The following NKAIN2 variants were observed in gnomAD, a reference collection of about 807,000 sequenced individuals.
The protein encoded by NKAIN2 is sodium/potassium-transporting ATPase subunit beta-1-interacting protein 2.
In NKAIN2, 14 loss-of-function variants were observed where a neutral mutation model predicts 32.6. The ratio of observed to expected loss-of-function variants is 0.43; its 90% CI spans 0.28 to 0.67. The LOEUF (loss-of-function observed/expected upper bound fraction) is 0.67, where lower values mean the gene tolerates loss of function less well. Ranked by LOEUF, NKAIN2 falls within the 30% of genes least tolerant of loss-of-function variation. The pLI is 0.17. For synonymous variants in NKAIN2, 80 were observed against 87.2 expected (o/e 0.92, Z 0.46); for missense variants, 198 against 258.3 (o/e 0.77, Z 1.60).
At chr6:124,508,240 G>A (rs1365555202) in intron 3 of NKAIN2, among the ~76,000 whole-genome samples, 2 of 151,942 alleles carry the variant, frequency 1.3e-5, no homozygotes, top group Non-Finnish European at 2.9e-5. Flanking sequence ...CTGAGTGACA[G>A]AGTAAGATCC....
chr6:123,849,722 G>A (rs1355348063), intron 1 of NKAIN2, among the ~76,000 whole-genome samples: 1 of 152,096 alleles, frequency 6.6e-6, no homozygotes, highest in Non-Finnish European at 1.5e-5. Context: ...GGTAATATGG[G>A]CAGGGTGGCC....
intron 1 of NKAIN2, among the ~76,000 whole-genome samples, chr6:123,848,706 T>A (rs1775193035): frequency 6.6e-6 from 1 of 152,198 alleles, no homozygotes; most frequent in Non-Finnish European, 1.5e-5. Flanking sequence ...GTTTAAGGAC[T>A]GGGGATGATT....
chr6:124,430,071 A>G (rs371147318), intron 3 of NKAIN2, among the ~76,000 whole-genome samples: 40 of 152,224 alleles, frequency 2.6e-4, no homozygotes, highest in African/African-American at 9.6e-4. Context: ...AAATTCTGCA[A>G]CAACCCAAGA....
chr6:124,358,420 C>T (rs932053052), intron 3 of NKAIN2, among the ~76,000 whole-genome samples: 12 of 152,060 alleles, frequency 7.9e-5, no homozygotes, highest in African/African-American at 2.7e-4. Context: ...TATATCTCCA[C>T]ATCCTCTCCA....
At chr6:124,032,125 A>C (rs1781431136) in intron 1 of NKAIN2, among the ~76,000 whole-genome samples, 1 of 152,004 alleles carries the variant, frequency 6.6e-6, no homozygotes, top group South Asian at 2.1e-4. Flanking sequence ...GACACAGATG[A>C]AGCTGGAAAC....
intron 4 of NKAIN2, among the ~76,000 whole-genome samples, chr6:124,716,314 G>T (rs997042646): frequency 5.9e-5 from 9 of 152,092 alleles, no homozygotes; most frequent in Admixed American, 2.0e-4. Context: ...TTTTTTATCT[G>T]CCCTCTATGG....
chr6:124,797,550 A>G (rs1483401429), intron 5 of NKAIN2, among the ~76,000 whole-genome samples: 2 of 152,208 alleles, frequency 1.3e-5, no homozygotes, highest in East Asian at 1.9e-4. Flanking sequence ...CTCAAAATCA[A>G]CTGGCCTTGG....
chr6:124,310,482 T>A (rs1796669035), intron 2 of NKAIN2, among the ~76,000 whole-genome samples: 1 of 152,168 alleles, frequency 6.6e-6, no homozygotes, highest in Admixed American at 6.6e-5. Context: ...TTTTTTTCTT[T>A]TTTTATGTAT....
intron 4 of NKAIN2, among the ~76,000 whole-genome samples, chr6:124,762,492 G>A (rs577686055): frequency 6.6e-6 from 1 of 152,222 alleles, no homozygotes; most frequent in South Asian, 2.1e-4. Flanking sequence ...TTCTTCATAA[G>A]AGAGAAAAAT....
At chr6:124,514,587 A>T (rs531616122) in intron 3 of NKAIN2, among the ~76,000 whole-genome samples, 6 of 152,196 alleles carry the variant, frequency 3.9e-5, no homozygotes, top group African/African-American at 1.4e-4. Flanking sequence ...TTAGTTATGC[A>T]ACTTCAGTGT....
At chr6:124,239,624 A>G (rs1473697902) in intron 1 of NKAIN2, among the ~76,000 whole-genome samples, 2 of 152,218 alleles carry the variant, frequency 1.3e-5, no homozygotes, top group Admixed American at 1.3e-4. Flanking sequence ...TGGAAACTGA[A>G]CAACCTGCTC....
chr6:124,354,984 C>T (rs1041931439), intron 2 of NKAIN2, among the ~76,000 whole-genome samples: 1 of 150,510 alleles, frequency 6.6e-6, no homozygotes, highest in Non-Finnish European at 1.5e-5. Context: ...GGTGGAGAAT[C>T]ACTTCAACCT....
At chr6:124,071,360 A>G (rs1582581748) in intron 1 of NKAIN2, among the ~76,000 whole-genome samples, 1 of 152,188 alleles carries the variant, frequency 6.6e-6, no homozygotes, top group African/African-American at 2.4e-5. Context: ...ACCTCAAACT[A>G]TAAGAATCCT....
At chr6:123,924,126 A>G (rs977516490) in intron 1 of NKAIN2, among the ~76,000 whole-genome samples, 5 of 152,164 alleles carry the variant, frequency 3.3e-5, no homozygotes, top group African/African-American at 1.2e-4. Context: ...AGAATTTTCT[A>G]TTCTTTTCAG....
intron 3 of NKAIN2, among the ~76,000 whole-genome samples, chr6:124,604,869 G>T (rs533307639): frequency 2.0e-5 from 3 of 151,880 alleles, no homozygotes; most frequent in Non-Finnish European, 4.4e-5. Context: ...ACAAAGCATC[G>T]TAAGACTTGA....
At chr6:124,280,158 A>G (rs1361990590) in intron 1 of NKAIN2, among the ~76,000 whole-genome samples, 1 of 152,178 alleles carries the variant, frequency 6.6e-6, no homozygotes, top group Admixed American at 6.6e-5. Context: ...GATTACAAGG[A>G]CCAAAAGTAA....
chr6:124,680,796 C>G (rs1022401208), intron 4 of NKAIN2, among the ~76,000 whole-genome samples: 7 of 151,828 alleles, frequency 4.6e-5, no homozygotes, highest in African/African-American at 1.7e-4. Flanking sequence ...GAATTGTAAG[C>G]AAATTTTAAA....
At chr6:123,846,863 T>C (rs898026962) in intron 1 of NKAIN2, among the ~76,000 whole-genome samples, 6 of 125,196 alleles carry the variant, frequency 4.8e-5, no homozygotes, top group Admixed American at 1.7e-4. Context: ...CACACACACA[T>C]AACACATGTC....
intron 1 of NKAIN2, among the ~76,000 whole-genome samples, chr6:124,103,826 G>A (rs969994925): frequency 6.6e-6 from 1 of 152,110 alleles, no homozygotes; most frequent in African/African-American, 2.4e-5. Flanking sequence ...GGTGGCTCAT[G>A]CCTGTAATCC....
Sources: allele counts gnomAD v4.1 joint callset (sites outside exome capture counted in the v4.1 genomes callset), GRCh38; gene constraint gnomAD v4.1.1; transcripts MANE v1.5; gene names NCBI Gene and HGNC (gene_info 2026-07-23, HGNC 2026-07-21).